Variants in NUBPL observed in about 807,000 individuals in gnomAD.
The protein encoded by NUBPL is NUBP iron-sulfur cluster assembly factor, mitochondrial.
NUBPL carries 31 observed loss-of-function variants against 45.7 expected under a neutral mutation model. The observed-to-expected ratio is 0.68, with a 90% CI of 0.51 to 0.92. The LOEUF (loss-of-function observed/expected upper bound fraction) is 0.92. NUBPL is among the 40% of genes least tolerant of loss of function. NUBPL has a pLI of 0.00. For missense variants in NUBPL, 401 were observed against 398.7 expected (o/e 1.01, Z -0.05); for synonymous variants, 144 against 140.9 (o/e 1.02, Z -0.15).
chr14:31,823,350 T>C (rs2040048167), intron 7 of NUBPL, among the ~76,000 whole-genome samples: 1 of 152,124 alleles, frequency 6.6e-6, no homozygotes, highest in African/African-American at 2.4e-5. Flanking sequence ...TATTGTGTAA[T>C]GGTGATACAA....
At chr14:31,776,756 T>C (rs1329603987) in intron 6 of NUBPL, among the ~76,000 whole-genome samples, 1 of 152,190 alleles carries the variant, frequency 6.6e-6, no homozygotes, top group Non-Finnish European at 1.5e-5. Context: ...GCCCCTTTAT[T>C]ATGTCCATTC....
intron 6 of NUBPL, among the ~76,000 whole-genome samples, chr14:31,769,164 C>A (rs2038964348): frequency 1.3e-5 from 2 of 152,156 alleles, no homozygotes; most frequent in South Asian, 4.1e-4. Context: ...TCCGGCGCAA[C>A]ATATTATGTC....
At chr14:31,621,965 T>A (rs2035075421) in intron 4 of NUBPL, among the ~76,000 whole-genome samples, 1 of 152,184 alleles carries the variant, frequency 6.6e-6, no homozygotes, top group East Asian at 1.9e-4. Flanking sequence ...TGGGAAAGTT[T>A]AGAACTTCCT....
At chr14:31,729,549 ATTACT>A (rs1302169846) in intron 6 of NUBPL, among the ~76,000 whole-genome samples, 1 of 152,162 alleles carries the variant, frequency 6.6e-6, no homozygotes, top group Non-Finnish European at 1.5e-5. Flanking sequence ...ATTAAAACAT[ATTACT>A]TTAGTCATAT....
At chr14:31,700,979 C>G (rs2037323857) in intron 6 of NUBPL, among the ~76,000 whole-genome samples, 1 of 152,226 alleles carries the variant, frequency 6.6e-6, no homozygotes, top group South Asian at 2.1e-4. Context: ...ATGGCCCCAG[C>G]ACAGGATCCA....
At chr14:31,664,403 C>T (rs149297987) in intron 4 of NUBPL, among the ~76,000 whole-genome samples, 41 of 152,186 alleles carry the variant, frequency 2.7e-4, no homozygotes, top group African/African-American at 7.9e-4. Context: ...TTTTGAGATA[C>T]GTTCCATCAA....
intron 4 of NUBPL, among the ~76,000 whole-genome samples, chr14:31,601,996 C>G (rs1262435102): frequency 6.6e-6 from 1 of 152,160 alleles, no homozygotes; most frequent in Non-Finnish European, 1.5e-5. Flanking sequence ...ACCCAGATGT[C>G]CAACAATGAT....
intron 6 of NUBPL, among the ~76,000 whole-genome samples, chr14:31,710,567 T>C (rs2037547944): frequency 6.6e-6 from 1 of 152,164 alleles, no homozygotes; most frequent in Non-Finnish European, 1.5e-5. Flanking sequence ...AAATCAGATT[T>C]AGTGGCTGTT....
intron 8 of NUBPL, among the ~76,000 whole-genome samples, chr14:31,840,738 A>G (rs1351149801): frequency 1.3e-5 from 2 of 152,166 alleles, no homozygotes; most frequent in African/African-American, 4.8e-5. Flanking sequence ...TAGAGAGTAG[A>G]ATGGTGGTTA....
chr14:31,835,890 A>G (rs2040273760), intron 8 of NUBPL, among the ~76,000 whole-genome samples: 1 of 152,188 alleles, frequency 6.6e-6, no homozygotes, highest in African/African-American at 2.4e-5. Context: ...TCATTATTTA[A>G]CAATGAATTT....
rs372797763 is a variant in NUBPL at position 31,561,594 on chromosome 14, G to A, written c.108+47G>A. On this transcript the variant is annotated intron_variant, in intron 1 of 10. Coordinates refer to ENST00000281081, the MANE Select transcript of NUBPL (RefSeq NM_025152.3). ...GGGGAAGCGGGCTGACAGATGCTGGGCTGCAGGGCCGCAGATGCCCTGGCA... is the reference window on the plus strand; with the variant it reads ...GGGGAAGCGGGCTGACAGATGCTGGACTGCAGGGCCGCAGATGCCCTGGCA... The A allele has an allele frequency of 6.2e-5, 76 of 1,225,370 alleles. No individual in the cohort carries two copies. In the African/African-American group the frequency reaches 1.1e-3, roughly 18 times the overall value. The allele number at this position is 1,225,370 out of a possible 1,614,324, so 75.9% of individuals were successfully genotyped here. A position where few individuals can be genotyped will look rare whatever the true frequency, so the allele number is the denominator to read the frequency against.
intron 9 of NUBPL, among the ~76,000 whole-genome samples, chr14:31,846,977 A>ACAAAAAT (rs1373395196): frequency 6.6e-6 from 1 of 151,920 alleles, no homozygotes; most frequent in Non-Finnish European, 1.5e-5. Flanking sequence ...AAAACAAAAA[A>ACAAAAAT]CAGTGTCTCT....
At chr14:31,561,813 G>A (rs1447936932) in intron 1 of NUBPL, 2 of 589,204 alleles carry the variant, frequency 3.4e-6, no homozygotes, top group African/African-American at 1.9e-5. Context: ...ACACGTGGAA[G>A]CCTTATCTCC....
chr14:31,775,414 A>G (rs2039081179), intron 6 of NUBPL, among the ~76,000 whole-genome samples: 1 of 152,272 alleles, frequency 6.6e-6, no homozygotes, highest in Middle Eastern at 3.4e-3. Context: ...GCAAAACTCC[A>G]TCTCAAAAAA....
At chr14:31,645,524 T>C (rs1446448813) in intron 4 of NUBPL, among the ~76,000 whole-genome samples, 2 of 152,234 alleles carry the variant, frequency 1.3e-5, no homozygotes, top group Admixed American at 1.3e-4. Context: ...TATTTTTTGG[T>C]TGACTTGTAA....
At chr14:31,783,515 C>CTTTT (rs71430995) in intron 6 of NUBPL, among the ~76,000 whole-genome samples, 2 of 129,214 alleles carry the variant, frequency 1.5e-5, no homozygotes, top group Non-Finnish European at 1.6e-5. Flanking sequence ...AATAGCAGTT[C>CTTTT]TTTTTTTTTT....
intron 10 of NUBPL, among the ~76,000 whole-genome samples, chr14:31,857,055 T>C (rs1360228587): frequency 6.6e-6 from 1 of 152,214 alleles, no homozygotes; most frequent in Non-Finnish European, 1.5e-5. Flanking sequence ...CGTAAGGACC[T>C]CGCCCCTACA....
At chr14:31,788,581 T>G (rs1477165010) in intron 7 of NUBPL, among the ~76,000 whole-genome samples, 1 of 152,226 alleles carries the variant, frequency 6.6e-6, no homozygotes, top group Non-Finnish European at 1.5e-5. Context: ...GTAAAGTGGT[T>G]AAATCTGTAC....
intron 6 of NUBPL, among the ~76,000 whole-genome samples, chr14:31,725,930 G>A (rs2037913717): frequency 6.6e-6 from 1 of 151,726 alleles, no homozygotes; most frequent in African/African-American, 2.4e-5. Context: ...GGATGGTCTC[G>A]AACTCCTGAC....
Sources: gnomAD v4.1 joint callset for allele counts (sites outside exome capture counted in the v4.1 genomes callset) on GRCh38, gnomAD v4.1.1 for gene constraint, MANE v1.5 for transcripts, NCBI Gene and HGNC (gene_info 2026-07-23, HGNC 2026-07-21) for gene names.